The following LRRC28 variants were observed in gnomAD, a reference collection of about 807,000 sequenced individuals.
LRRC28 encodes leucine rich repeat containing 28.
A neutral mutation model predicts 45.7 loss-of-function variants in LRRC28; 39 were observed. The ratio of observed to expected loss-of-function variants is 0.85; its 90% confidence interval spans 0.66 to 1.12. LRRC28 has a LOEUF of 1.12. Among genes scored for constraint, LRRC28 ranks in the 50% most tolerant of loss-of-function variants. The pLI is 0.00. For missense variants in LRRC28, 435 were observed against 438.5 expected, an observed-to-expected ratio of 0.99 and a Z score of 0.07; for synonymous variants, 206 against 178.8, an observed-to-expected ratio of 1.15 and a Z score of -1.22.
chr15:99,274,089 A>G (rs1346073459), intron 2 of LRRC28, among the ~76,000 whole-genome samples: 1 of 152,232 alleles, frequency 6.6e-6, no homozygotes, highest in African/African-American at 2.4e-5. Flanking sequence ...TGTTGCATAT[A>G]TCAGTATAGA....
chr15:99,370,291 TTCAACTCA>T (rs1957447612), intron 9 of LRRC28, among the ~76,000 whole-genome samples: 1 of 152,214 alleles, frequency 6.6e-6, no homozygotes, highest in South Asian at 2.1e-4. Flanking sequence ...TAAATATACT[TTCAACTCA>T]TAAACTCATA....
At chr15:99,385,849 C>T (rs1957969945) in intron 9 of LRRC28, among the ~76,000 whole-genome samples, 181 bp from the exon 10 acceptor site, 1 of 151,434 alleles carries the variant, frequency 6.6e-6, no homozygotes. Context: ...TGAACATTCA[C>T]ATGTACATAC....
At chr15:99,316,934 C>A (rs866132683) in intron 5 of LRRC28, among the ~76,000 whole-genome samples, 13 of 151,566 alleles carry the variant, frequency 8.6e-5, no homozygotes, top group African/African-American at 3.2e-4. Context: ...AAATCTTGGG[C>A]TCCAGCAATC....
chr15:99,378,252 T>C (rs1355872870), intron 9 of LRRC28, among the ~76,000 whole-genome samples: 2 of 152,168 alleles, frequency 1.3e-5, no homozygotes, highest in Non-Finnish European at 2.9e-5. Context: ...TTGAAGAGGT[T>C]CTTCACATCC....
intron 3 of LRRC28, among the ~76,000 whole-genome samples, chr15:99,280,888 T>G (rs1292336648): frequency 1.3e-5 from 2 of 152,178 alleles, no homozygotes; most frequent in Non-Finnish European, 2.9e-5. Context: ...GACTTTTCAT[T>G]TCCTTTTCAG....
intron 5 of LRRC28, among the ~76,000 whole-genome samples, chr15:99,321,891 ATAAG>A (rs1955810407): frequency 6.6e-6 from 1 of 152,098 alleles, no homozygotes; most frequent in African/African-American, 2.4e-5. Flanking sequence ...AAATAAATGA[ATAAG>A]TAATTAAATA....
intron 7 of LRRC28, chr15:99,354,146 G>C (rs1380022080): frequency 1.3e-5 from 2 of 152,088 alleles, no homozygotes; most frequent in Non-Finnish European, 2.9e-5. Flanking sequence ...ATAATCTAAA[G>C]GCATTTTTAG....
At chr15:99,276,957 A>G (rs1235383267) in intron 3 of LRRC28, among the ~76,000 whole-genome samples, 3 of 152,200 alleles carry the variant, frequency 2.0e-5, no homozygotes, top group Non-Finnish European at 4.4e-5. Flanking sequence ...GTGATACTTG[A>G]TATAAACAGG....
intron 9 of LRRC28, among the ~76,000 whole-genome samples, chr15:99,380,728 G>A (rs1259920789): frequency 3.9e-5 from 6 of 152,172 alleles, no homozygotes; most frequent in Admixed American, 3.3e-4. Context: ...GGGCAGGCCT[G>A]GTGGTGACAA....
At chr15:99,321,286 G>A (rs1033036) in intron 5 of LRRC28, among the ~76,000 whole-genome samples, 60,545 of 151,902 alleles carry the variant, frequency 0.4, 12,777 homozygotes, top group African/African-American at 0.55. Flanking sequence ...ATTTGCTTAC[G>A]TGACTTCTGA....
intron 6 of LRRC28, among the ~76,000 whole-genome samples, chr15:99,336,619 G>A (rs2152297602): frequency 6.6e-6 from 1 of 152,244 alleles, no homozygotes; most frequent in Non-Finnish European, 1.5e-5. Flanking sequence ...AGAGGCTAGC[G>A]CTTTCTCTCA....
intron 2 of LRRC28, chr15:99,259,950 T>A (rs1362423678): frequency 9.0e-6 from 6 of 667,050 alleles, no homozygotes; most frequent in Non-Finnish European, 1.4e-5. Context: ...GACAAAGAAA[T>A]GGATGTGGGA....
chr15:99,370,003 T>A (rs144519384), intron 9 of LRRC28, among the ~76,000 whole-genome samples: 205 of 152,296 alleles, frequency 1.3e-3, no homozygotes, highest in African/African-American at 4.0e-3. Flanking sequence ...GTTGAGCTAT[T>A]TTACTTTTCT....
chr15:99,291,616 A>G (rs1597257334), intron 5 of LRRC28, among the ~76,000 whole-genome samples: 2 of 152,230 alleles, frequency 1.3e-5, no homozygotes, highest in Admixed American at 6.5e-5. Flanking sequence ...CCCCTTCTCC[A>G]TAGTCCATGC....
At chr15:99,327,114 G>A (rs561927379) in intron 5 of LRRC28, among the ~76,000 whole-genome samples, 11 of 151,936 alleles carry the variant, frequency 7.2e-5, no homozygotes, top group East Asian at 5.8e-4. Context: ...TTGCTCTGTC[G>A]CCTAGGCTGG....
chr15:99,382,300 G>A (rs1187665897), intron 9 of LRRC28, among the ~76,000 whole-genome samples: 3 of 152,188 alleles, frequency 2.0e-5, no homozygotes, highest in South Asian at 2.1e-4. Context: ...AGCAATGAGC[G>A]AGGCTCCGTG....
chr15:99,257,582 G>C (rs1240576353), intron 2 of LRRC28: 12 of 588,498 alleles, frequency 2.0e-5, no homozygotes, highest in Non-Finnish European at 3.6e-5. Context: ...AGAGGGTGGA[G>C]GTGGCTCTTG....
intron 5 of LRRC28, among the ~76,000 whole-genome samples, chr15:99,331,151 A>G (rs1412821386): frequency 6.6e-6 from 1 of 152,232 alleles, no homozygotes; most frequent in Non-Finnish European, 1.5e-5. Context: ...GCCATGTAAA[A>G]ACACTTTTTT....
intron 6 of LRRC28, among the ~76,000 whole-genome samples, chr15:99,350,902 C>G (rs988114397): frequency 6.6e-6 from 1 of 152,142 alleles, no homozygotes; most frequent in Non-Finnish European, 1.5e-5. Flanking sequence ...CAGGCTCAAA[C>G]GATCCTTTCA....
Sources: gnomAD v4.1 joint callset for allele counts (sites outside exome capture counted in the v4.1 genomes callset) on GRCh38, gnomAD v4.1.1 for gene constraint, MANE v1.5 for transcripts, NCBI Gene and HGNC (gene_info 2026-07-23, HGNC 2026-07-21) for gene names.